Variants in ART3 observed in about 807,000 individuals in gnomAD.
ART3 encodes ADP-ribosyltransferase 3 (inactive), also known as ecto-ADP-ribosyltransferase 3.
In ART3, 49 loss-of-function variants were observed where a neutral mutation model predicts 48.5. The observed-to-expected ratio is 1.01, with a 90% CI of 0.80 to 1.28. The LOEUF is 1.28. Among genes scored for constraint, ART3 ranks in the 50% most tolerant of loss-of-function variants. ART3 has a pLI of 0.00. For synonymous variants in ART3, 145 were observed against 157.2 expected (o/e 0.92, Z 0.58); for missense variants, 438 against 454.3 (o/e 0.96, Z 0.33).
intron 1 of ART3, chr4:76,012,325 T>A (rs1020513757): frequency 2.0e-5 from 3 of 152,180 alleles, no homozygotes; most frequent in Non-Finnish European, 4.4e-5. Context: ...TTTCTCACAG[T>A]GTGGATTTCC....
intron 1 of ART3, chr4:76,035,337 G>A: frequency 6.2e-7 from 1 of 1,613,850 alleles, no homozygotes; most frequent in Non-Finnish European, 8.5e-7. Context: ...TTGAACATGG[G>A]GAAGCCTAGA....
rs1439356008 is a variant in ART3 at position 76,023,507 on chromosome 4, G to A, written c.-10+12187G>A. On this transcript the variant is annotated intron_variant, in intron 1 of 9. Coordinates refer to the ART3 transcript ENST00000341029. ...AATTGAGGAATGTCTCAGAAAACGT[G>A]GGGCTAGTGTGCCATATTTATCTGC... is the stretch of plus-strand genomic sequence containing the variant. The A allele has an allele frequency of 5.2e-6, 7 of 1,341,478 alleles. No homozygotes were observed. The East Asian group carries it at 9.2e-5, about 18-fold the overall frequency. The allele number at this position is 1,341,478 out of a possible 1,614,324, so 83.1% of individuals were successfully genotyped here. A position where few individuals can be genotyped will look rare whatever the true frequency, so the allele number is the denominator to read the frequency against.
At position 76,107,785 on chromosome 4, in the gene ART3, A is replaced by G; in HGVS notation, c.1028A>G (p.Asn343Ser). Residue 343 changes from asparagine to serine, a missense_variant, in exon 11 of 12, where the codon AAC becomes AGC. Physicochemically the swap from Asn to Ser is conservative, Grantham distance 46. Transcript: ENST00000355810. ...GAAGATAAAAGTCAAGGAAATATCA[A>G]CAATCCTAGTAAGAAGTATCTCATT... The part of the protein sequence containing the change: ...LPEDKSQGNI[N>S]NPTPGPVPVP... The G allele has an allele frequency of 6.8e-7, 1 of 1,479,622 alleles. No homozygotes were observed. The highest frequency in any genetic ancestry group is 9.2e-7 in the Non-Finnish European group (1 of 1,087,790). The allele number at this position is 1,479,622 out of a possible 1,614,324, so 91.7% of individuals were successfully genotyped here.
intron 3 of ART3, among the ~76,000 whole-genome samples, chr4:76,092,369 T>C (rs1413996717): frequency 6.6e-6 from 1 of 152,212 alleles, no homozygotes; most frequent in Non-Finnish European, 1.5e-5. Context: ...TTATTTCACC[T>C]TCAGTTTTGA....
At chr4:76,020,370 T>C (rs1231945115) in intron 1 of ART3, among the ~76,000 whole-genome samples, 1 of 152,224 alleles carries the variant, frequency 6.6e-6, no homozygotes, top group Admixed American at 6.5e-5. Context: ...AGTGCTGAGA[T>C]TACAGGCATG....
intron 11 of ART3, among the ~76,000 whole-genome samples, chr4:76,109,667 C>T (rs971982948): frequency 1.3e-5 from 2 of 152,136 alleles, no homozygotes; most frequent in South Asian, 2.1e-4. Flanking sequence ...TATGTTACAA[C>T]GGCAACGATG....
rs1202209429 is a variant in ART3 at position 76,037,458 on chromosome 4, CTT to C, written c.-10+26142_-10+26143del. On this transcript the variant is annotated intron_variant, in intron 1 of 9. Transcript: ENST00000341029. ...CTAACTTTAAATATATTTTATTTAA[CTT>C]TTTGAAGCCATTTTTGTTTTTTTTA... 2.0e-5 allele frequency among the ~76,000 whole-genome samples: 3 copies of C among 151,618 alleles called. No individual in the cohort carries two copies. The East Asian group carries it at 5.8e-4, about 29-fold the overall frequency.
At chr4:76,085,837 C>T (rs761559639) in intron 3 of ART3, among the ~76,000 whole-genome samples, 2 of 152,010 alleles carry the variant, frequency 1.3e-5, no homozygotes, top group East Asian at 1.9e-4. Flanking sequence ...TTTGGGAGGC[C>T]GAGGCGGGCA....
At chr4:76,068,034 G>A (rs1057382510) in intron 1 of ART3, among the ~76,000 whole-genome samples, 4 of 152,042 alleles carry the variant, frequency 2.6e-5, no homozygotes, top group African/African-American at 9.7e-5. Flanking sequence ...ATCATTCATG[G>A]GCCATTGCAT....
At position 76,040,423 on chromosome 4, in the gene ART3, G is replaced by A. The variant is rs146872755; in HGVS notation, c.-10+29103G>A. Among the ~76,000 whole-genome samples, 1,067 of 129,930 alleles carry A rather than the reference G, an allele frequency of 8.2e-3. 10 individuals carry two copies. Among genetic ancestry groups the A allele is most frequent in the Middle Eastern group, 0.028 (7 of 248 alleles). The allele number at this position is 129,930 out of a possible 152,430, so 85.2% of individuals were successfully genotyped here. ...AGTTTTCTTCCCTCTGGATGGATAC[G>A]CACATACACTGGATACACACACACA... On this transcript the variant is annotated intron_variant, in intron 1 of 9. Transcript: ENST00000341029.
chr4:76,051,603 G>A (rs1399469215), intron 1 of ART3, among the ~76,000 whole-genome samples: 4 of 152,018 alleles, frequency 2.6e-5, no homozygotes, highest in African/African-American at 4.8e-5. Flanking sequence ...GCAATGGCGT[G>A]ATCTCGGCTG....
chr4:76,012,186 T>C (rs1731864726), intron 1 of ART3: 1 of 152,222 alleles, frequency 6.6e-6, no homozygotes, highest in Admixed American at 6.5e-5. Flanking sequence ...TCTTTTTGGT[T>C]GTGGAATCGA....
intron 1 of ART3, among the ~76,000 whole-genome samples, chr4:76,060,196 T>C (rs915649942): frequency 6.6e-6 from 1 of 152,206 alleles, no homozygotes; most frequent in Non-Finnish European, 1.5e-5. Flanking sequence ...CTTAACCTAC[T>C]GATGTCAGAT....
chr4:76,050,808 A>G (rs1337253190), intron 1 of ART3, among the ~76,000 whole-genome samples: 6 of 152,196 alleles, frequency 3.9e-5, no homozygotes, highest in Non-Finnish European at 4.4e-5. Flanking sequence ...CCCCGCAGGA[A>G]GGCAGCTAAG....
intron 11 of ART3, among the ~76,000 whole-genome samples, chr4:76,108,205 A>G (rs1278172456): frequency 1.3e-5 from 2 of 152,124 alleles, no homozygotes; most frequent in South Asian, 4.1e-4. Context: ...ATTTGTACCC[A>G]TAAAAATCAA....
intron 1 of ART3, chr4:76,036,070 C>T: frequency 7.7e-7 from 1 of 1,300,064 alleles, no homozygotes. Context: ...AAATGCTGAA[C>T]ATGAAAGGAA....
At chr4:76,022,898 G>C in intron 1 of ART3, 1 of 1,433,380 alleles carries the variant, frequency 7.0e-7, no homozygotes, top group South Asian at 1.3e-5. Context: ...GTATTTAGCA[G>C]AACCTATATC....
intron 3 of ART3, among the ~76,000 whole-genome samples, chr4:76,091,093 T>A (rs1724785160): frequency 6.6e-6 from 1 of 152,236 alleles, no homozygotes; most frequent in South Asian, 2.1e-4. Flanking sequence ...AATAGTTTAT[T>A]TATGCTGTTG....
At chr4:76,100,615 G>A (rs1727069695) in intron 6 of ART3, among the ~76,000 whole-genome samples, 180 bp from the exon 7 acceptor site, 1 of 143,064 alleles carries the variant, frequency 7.0e-6, no homozygotes, top group Non-Finnish European at 1.5e-5. Context: ...TGGAAACAGA[G>A]CGAGGCTCCG....
Sources: allele counts gnomAD v4.1 joint callset (sites outside exome capture counted in the v4.1 genomes callset), GRCh38; gene constraint gnomAD v4.1.1; transcripts MANE v1.5; gene names NCBI Gene and HGNC (gene_info 2026-07-23, HGNC 2026-07-21).